IL1RAPL2: variants seen among roughly 807,000 people sequenced by gnomAD.
IL1RAPL2 encodes X-linked interleukin-1 receptor accessory protein-like 2.
In IL1RAPL2, 3 loss-of-function variants were observed where a neutral mutation model predicts 44.1. The observed-to-expected ratio is 0.07, with a 90% CI of 0.03 to 0.18. The LOEUF is 0.18. IL1RAPL2 is among the 10% of genes least tolerant of loss of function. The pLI is 1.00. For missense variants in IL1RAPL2, 391 were observed against 496.4 expected (o/e 0.79, Z 2.02); for synonymous variants, 181 against 178.8 (o/e 1.01, Z -0.10).
chrX:105,378,837 C>A (rs6523844), intron 5 of IL1RAPL2, among the ~76,000 whole-genome samples: 1 of 111,508 alleles, frequency 9.0e-6, no homozygotes, highest in Admixed American at 9.5e-5. Flanking sequence ...TTTTCCCCAA[C>A]TTTCTATTCT....
chrX:105,128,710 T>C (rs1386350169), intron 2 of IL1RAPL2, among the ~76,000 whole-genome samples: 1 of 111,573 alleles, frequency 9.0e-6, no homozygotes, highest in East Asian at 2.8e-4. Flanking sequence ...ACTGACCCAC[T>C]ACTTCTAGCT....
chrX:105,369,856 G>C (rs1488595888), intron 5 of IL1RAPL2, among the ~76,000 whole-genome samples: 1 of 110,897 alleles, frequency 9.0e-6, no homozygotes. Flanking sequence ...AAGAATGTGT[G>C]GGGCATGACC....
At chrX:105,346,938 A>C (rs920375553) in intron 5 of IL1RAPL2, among the ~76,000 whole-genome samples, 12 of 112,237 alleles carry the variant, frequency 1.1e-4, no homozygotes, top group African/African-American at 3.6e-4. Context: ...GATATAACAC[A>C]TAGATTGTCC....
At chrX:105,030,424 A>C (rs905005850) in intron 2 of IL1RAPL2, among the ~76,000 whole-genome samples, 10 of 111,871 alleles carry the variant, frequency 8.9e-5, no homozygotes, top group African/African-American at 3.3e-4. Flanking sequence ...ATTTTTGTAT[A>C]AGGTTTAAAG....
intron 2 of IL1RAPL2, among the ~76,000 whole-genome samples, chrX:104,786,159 T>C (rs1229194176): frequency 2.7e-5 from 3 of 112,360 alleles, no homozygotes; most frequent in Admixed American, 9.5e-5. Context: ...AGTCATTATA[T>C]GCCTTTGCCT....
At chrX:105,212,481 C>T (rs1176435235) in intron 3 of IL1RAPL2, among the ~76,000 whole-genome samples, 1 of 111,760 alleles carries the variant, frequency 8.9e-6, no homozygotes, top group East Asian at 2.8e-4. Context: ...ACAGACAAAA[C>T]CCCCATCTCC....
intron 5 of IL1RAPL2, among the ~76,000 whole-genome samples, chrX:105,381,216 C>T (rs1179588275): frequency 2.7e-5 from 3 of 111,456 alleles, no homozygotes; most frequent in African/African-American, 9.8e-5. Context: ...TGCACAGGGT[C>T]ACACAGCTAG....
intron 1 of IL1RAPL2, among the ~76,000 whole-genome samples, chrX:104,635,482 A>G (rs1480226684): frequency 2.7e-5 from 3 of 111,912 alleles, no homozygotes; most frequent in East Asian, 2.8e-4. Flanking sequence ...AGGTACGCCA[A>G]TCAGACGTAG....
chrX:105,736,179 G>T (rs1360806858), intron 7 of IL1RAPL2, among the ~76,000 whole-genome samples: 5 of 111,283 alleles, frequency 4.5e-5, no homozygotes, highest in Non-Finnish European at 7.6e-5. Context: ...ATACACGGAA[G>T]ATTGAAACTG....
At chrX:105,584,833 A>T (rs1327097689) in intron 6 of IL1RAPL2, among the ~76,000 whole-genome samples, 1 of 109,390 alleles carries the variant, frequency 9.1e-6, no homozygotes, top group Non-Finnish European at 1.9e-5. Context: ...TTCAATCATC[A>T]TTTTTTTTCA....
At chrX:105,640,646 A>G (rs1230049975) in intron 6 of IL1RAPL2, among the ~76,000 whole-genome samples, 1 of 62,095 alleles carries the variant, frequency 1.6e-5, no homozygotes, top group East Asian at 4.8e-4. Flanking sequence ...CAAATTATGT[A>G]TGTGTGTGTA....
intron 1 of IL1RAPL2, among the ~76,000 whole-genome samples, chrX:104,608,608 T>A (rs1408977194): frequency 9.1e-6 from 1 of 110,179 alleles, no homozygotes; most frequent in Non-Finnish European, 1.9e-5. Flanking sequence ...TTGTCTCTTT[T>A]GATCTTTGTT....
chrX:105,494,688 T>C (rs1427021489), intron 6 of IL1RAPL2, among the ~76,000 whole-genome samples: 2 of 111,242 alleles, frequency 1.8e-5, no homozygotes, highest in Non-Finnish European at 3.8e-5. Context: ...AGGGTCTCGC[T>C]CTGTCACCCA....
intron 2 of IL1RAPL2, among the ~76,000 whole-genome samples, chrX:105,041,285 A>T (rs1221664992): frequency 9.1e-6 from 1 of 110,239 alleles, no homozygotes; most frequent in Non-Finnish European, 1.9e-5. Flanking sequence ...TGCTGAGGAG[A>T]GCTTTACTTC....
chrX:105,755,065 T>C lies in IL1RAPL2; in HGVS notation c.1193-112T>C, dbSNP rs2038625899. On this transcript the variant is annotated intron_variant, in intron 9 of 10. Transcript: ENST00000372582. ...TTCCTATAACATGGCATGTGACTTA[T>C]TTTTTTCCAATTATTAAAGACGGTC... The C allele has an allele frequency of 1.9e-5, 9 of 473,653 alleles. No individual in the cohort carries two copies. In the Admixed American group the frequency reaches 2.9e-4, roughly 15 times the overall value. The allele number at this position is 473,653 out of a possible 1,213,427, so 39.0% of individuals were successfully genotyped here. A position where few individuals can be genotyped will look rare whatever the true frequency, so the allele number is the denominator to read the frequency against.
At chrX:105,144,562 C>CT (rs1481413268) in intron 2 of IL1RAPL2, among the ~76,000 whole-genome samples, 1 of 111,475 alleles carries the variant, frequency 9.0e-6, no homozygotes, top group Non-Finnish European at 1.9e-5. Context: ...TCTTCTGTCT[C>CT]TGACTATCAC....
chrX:104,888,615 T>TC (rs1923326873), intron 2 of IL1RAPL2, among the ~76,000 whole-genome samples: 2 of 110,406 alleles, frequency 1.8e-5, no homozygotes, highest in African/African-American at 6.6e-5. Context: ...TCTACAAGAC[T>TC]CTCAACCTAA....
At chrX:104,635,480 C>G (rs1424194145) in intron 1 of IL1RAPL2, among the ~76,000 whole-genome samples, 1 of 111,885 alleles carries the variant, frequency 8.9e-6, no homozygotes, top group African/African-American at 3.3e-5. Context: ...TCAGGTACGC[C>G]AATCAGACGT....
At chrX:104,730,270 T>C (rs1050516310) in intron 2 of IL1RAPL2, among the ~76,000 whole-genome samples, 6 of 108,371 alleles carry the variant, frequency 5.5e-5, no homozygotes, top group Non-Finnish European at 1.2e-4. Context: ...ATGTGCACAA[T>C]GTGCAGGTTA....
Sources: allele counts gnomAD v4.1 joint callset (sites outside exome capture counted in the v4.1 genomes callset), GRCh38; gene constraint gnomAD v4.1.1; transcripts MANE v1.5; gene names NCBI Gene and HGNC (gene_info 2026-07-23, HGNC 2026-07-21).